The following UNC5A variants were observed in gnomAD, a reference collection of about 807,000 sequenced individuals.
UNC5A encodes unc-5 netrin receptor A, also known as netrin receptor UNC5A.
Under a neutral mutation model 87.4 loss-of-function variants are expected in UNC5A, and 20 were observed. The ratio of observed to expected loss-of-function variants is 0.23; its 90% CI spans 0.16 to 0.33. The LOEUF (loss-of-function observed/expected upper bound fraction) is 0.33. UNC5A is among the 10% of genes least tolerant of loss of function. UNC5A has a pLI of 1.00. For missense variants in UNC5A, 844 were observed against 1,133.4 expected (o/e 0.74, Z 3.67); for synonymous variants, 438 against 482.3 (o/e 0.91, Z 1.20).
At chr5:176,827,003 CA>C (rs2113597798) in intron 1 of UNC5A, among the ~76,000 whole-genome samples, 1 of 152,120 alleles carries the variant, frequency 6.6e-6, no homozygotes, top group East Asian at 1.9e-4. Context: ...CCCCTTGCCC[CA>C]GCCCCTGGCA....
intron 1 of UNC5A, among the ~76,000 whole-genome samples, chr5:176,822,229 G>A (rs1283776164): frequency 6.6e-6 from 1 of 152,278 alleles, no homozygotes; most frequent in Non-Finnish European, 1.5e-5. Context: ...GGCCCGCGGG[G>A]CGGGGGATGC....
chr5:176,864,323 G>A lies in UNC5A; in HGVS notation c.292+1478G>A, dbSNP rs577513974. Among the ~76,000 whole-genome samples, 6 of 152,344 alleles carry A rather than the reference G, an allele frequency of 3.9e-5. No individual in the cohort carries two copies. The South Asian group carries it at 6.2e-4, about 16-fold the overall frequency. On this transcript the variant is annotated intron_variant, in intron 2 of 14. Coordinates refer to ENST00000329542, the MANE Select transcript of UNC5A (RefSeq NM_133369.3). The stretch of plus-strand genomic sequence containing the variant: ...CCCCGGGGCAGGCAGCAGTGGCCAG[G>A]AGACTGCGCTAAGGGGCCCCTGGAG...
At chr5:176,821,867 G>A (rs1393807121) in intron 1 of UNC5A, among the ~76,000 whole-genome samples, 1 of 152,044 alleles carries the variant, frequency 6.6e-6, no homozygotes, top group African/African-American at 2.4e-5. Context: ...CTTACCTCCT[G>A]GACACCAGAC....
chr5:176,875,961 A>G lies in UNC5A; in HGVS notation c.1379-1231A>G, dbSNP rs1033397053. On this transcript the variant is annotated intron_variant, in intron 8 of 14. Transcript: ENST00000329542. The surrounding 1 kb of genome is among the most constrained non-coding windows in gnomAD (Gnocchi z 5.2). The stretch of plus-strand genomic sequence containing the variant: ...ATGACGAGGTGAGACGGCATCTGTC[A>G]GCTCTTACAGAGACGCAGGCGAACA... 3.9e-5 allele frequency among the ~76,000 whole-genome samples: 6 copies of G among 152,242 alleles called. No homozygotes were observed. Among genetic ancestry groups the G allele is most frequent in the Admixed American group, 3.3e-4 (5 of 15,286 alleles).
chr5:176,853,320 G>T (rs1757589527), intron 1 of UNC5A, among the ~76,000 whole-genome samples: 1 of 152,246 alleles, frequency 6.6e-6, no homozygotes, highest in African/African-American at 2.4e-5. Flanking sequence ...GGCCGGGGCG[G>T]AGGACAGGCC....
intron 1 of UNC5A, among the ~76,000 whole-genome samples, chr5:176,815,467 G>A (rs888679565): frequency 2.6e-5 from 4 of 152,350 alleles, no homozygotes; most frequent in East Asian, 1.9e-4. Context: ...CCCAAGCCTC[G>A]TGTCCTTGGA....
At chr5:176,847,602 T>G (rs1561653213) in intron 1 of UNC5A, among the ~76,000 whole-genome samples, 1 of 152,140 alleles carries the variant, frequency 6.6e-6, no homozygotes, top group Non-Finnish European at 1.5e-5. Flanking sequence ...CACTCCCAAT[T>G]ACCCGTTTAG....
rs1265431245 is a variant in UNC5A at position 176,878,019 on chromosome 5, G to C, written c.1761G>C (p.Val587=). ...RFALVGEALS[V]AAAKRLKLLL... ...CCCTGGTGGGAGAGGCCCTCAGCGT[G>C]GCTGCCGCCAAGCGCCTCAAGCTGC... Residue 587 remains valine (V), a synonymous_variant, in exon 11 of 15, where the codon GTG becomes GTC. Transcript: ENST00000329542. The C allele has an allele frequency of 3.1e-6, 5 of 1,607,796 alleles. No homozygotes were observed. The African/African-American group carries it at 6.7e-5, about 21-fold the overall frequency.
At chr5:176,868,392 A>G (rs2149366474) in intron 3 of UNC5A, 119 bp downstream of exon 3, 2 of 1,517,044 alleles carry the variant, frequency 1.3e-6, no homozygotes, top group African/African-American at 1.4e-5. Flanking sequence ...CCCTGCCTGG[A>G]TGAGTGGATA....
At chr5:176,851,479 G>A (rs1231821137) in intron 1 of UNC5A, among the ~76,000 whole-genome samples, 4 of 152,204 alleles carry the variant, frequency 2.6e-5, no homozygotes, top group East Asian at 1.9e-4. Context: ...ATGAAATGCC[G>A]CCATATGTGG....
At chr5:176,872,889 G>C (rs1224916919) in intron 6 of UNC5A, among the ~76,000 whole-genome samples, 5 of 33,344 alleles carry the variant, frequency 1.5e-4, no homozygotes, top group Non-Finnish European at 2.6e-4. Flanking sequence ...GCCCACACCT[G>C]CCCCAACACC....
chr5:176,878,983 G>A (rs475533), intron 13 of UNC5A, among the ~76,000 whole-genome samples: 1 of 152,192 alleles, frequency 6.6e-6, no homozygotes, highest in Non-Finnish European at 1.5e-5. Context: ...GGTGAGAGCT[G>A]GGCAGGGGGG....
intron 13 of UNC5A, 73 bp from the exon 14 acceptor site, chr5:176,879,237 C>G: frequency 6.7e-7 from 1 of 1,501,524 alleles, no homozygotes; most frequent in Non-Finnish European, 8.9e-7. Context: ...TGGGAGCTCC[C>G]CCAGCAGGAG....
chr5:176,830,520 G>C (rs983948763), intron 1 of UNC5A, among the ~76,000 whole-genome samples: 1 of 149,716 alleles, frequency 6.7e-6, no homozygotes, highest in Non-Finnish European at 1.5e-5. Context: ...GCTGGCATGT[G>C]TGTGTGTGGG....
In UNC5A at chr5:176,858,782, A is replaced by AGCAGGCAG. The variant is rs60460581; in HGVS notation, c.71-3840_71-3833dup. ...AGGAAGGAAGGAAGGAAGGCAAGCAAGCAGGCAGGGAGGGAGGGAGGGAAG... is the reference window on the plus strand; with the variant it reads ...AGGAAGGAAGGAAGGAAGGCAAGCAAGCAGGCAGGCAGGCAGGGAGGGAGGGAGGGAAG... On this transcript the variant is annotated intron_variant, in intron 1 of 14. Transcript: ENST00000329542. Among the ~76,000 whole-genome samples, 80 of 131,768 alleles carry AGCAGGCAG rather than the reference A, an allele frequency of 6.1e-4. 2 individuals are homozygous for AGCAGGCAG. The highest frequency in any genetic ancestry group is 1.9e-3 in the African/African-American group (64 of 33,910). 86.4% of individuals were successfully genotyped at this position (131,768 alleles called of 152,430 possible). A position where few individuals can be genotyped will look rare whatever the true frequency, so the allele number is the denominator to read the frequency against.
intron 1 of UNC5A, among the ~76,000 whole-genome samples, chr5:176,833,502 T>C (rs1036390678): frequency 2.0e-5 from 3 of 152,208 alleles, no homozygotes; most frequent in African/African-American, 7.2e-5. Context: ...TAGTATTCCA[T>C]GGTATATATG....
intron 1 of UNC5A, among the ~76,000 whole-genome samples, chr5:176,847,536 C>T (rs1363704177): frequency 1.3e-5 from 2 of 152,088 alleles, no homozygotes; most frequent in African/African-American, 2.4e-5. Flanking sequence ...ATAATAAACC[C>T]TCAGTTAATG....
At position 176,839,590 on chromosome 5, in the gene UNC5A, T is replaced by G. The variant is rs186147018; in HGVS notation, c.71-23034T>G. On this transcript the variant is annotated intron_variant, in intron 1 of 14. Transcript: ENST00000329542. ...CCTGCCCTCACTCCTAGTAAAGGGT[T>G]GGACTTCCCTGGTTTGTGGGTAAGA... Among the ~76,000 whole-genome samples, 703 of 152,314 alleles carry G rather than the reference T, an allele frequency of 4.6e-3. 3 individuals are homozygous for G. The highest frequency in any genetic ancestry group is 9.7e-3 in the South Asian group (47 of 4,828).
chr5:176,865,602 C>T lies in UNC5A; in HGVS notation c.293-2528C>T, dbSNP rs1433102584. ...ATCTCATCGATTTCTCAACCCAAAG[C>T]CATCGAGTGCTTTGAGGTGAAGAAA... On this transcript the variant is annotated intron_variant, in intron 2 of 14. Transcript: ENST00000329542. This position sits in a 1 kb window ranked among gnomAD's most constrained non-coding sequence, Gnocchi z 5.3. 1 of 456,820 alleles carries T rather than the reference C, an allele frequency of 2.2e-6. No individual in the cohort carries two copies. The highest frequency in any genetic ancestry group is 4.4e-6 in the Non-Finnish European group (1 of 227,040). The allele number at this position is 456,820 out of a possible 1,614,324, so 28.3% of individuals were successfully genotyped here.
Sources: gnomAD v4.1 joint callset for allele counts (sites outside exome capture counted in the v4.1 genomes callset) on GRCh38, gnomAD v4.1.1 for gene constraint, Gnocchi (gnomAD v3.1) non-coding constraint, MANE v1.5 for transcripts, NCBI Gene and HGNC (gene_info 2026-07-23, HGNC 2026-07-21) for gene names.